The following SGK1 variants were observed in gnomAD, a reference collection of about 807,000 sequenced individuals.
The protein encoded by SGK1 is serine/threonine-protein kinase Sgk1.
SGK1 carries 26 observed loss-of-function variants against 64.2 expected under a neutral mutation model. The observed-to-expected ratio is 0.40, with a 90% CI of 0.30 to 0.56. The LOEUF (loss-of-function observed/expected upper bound fraction) is 0.56. SGK1 is among the 20% of genes least tolerant of loss of function. The pLI is 0.38. For synonymous variants in SGK1, 265 were observed against 239.7 expected (o/e 1.11, Z -0.98); for missense variants, 519 against 645.6 (o/e 0.80, Z 2.12).
At chr6:134,236,456 G>A (rs551029995) in intron 2 of SGK1, among the ~76,000 whole-genome samples, 1 of 152,050 alleles carries the variant, frequency 6.6e-6, no homozygotes, top group African/African-American at 2.4e-5. Flanking sequence ...GCGAAACTCC[G>A]TCTCTACAAA....
In SGK1 at chr6:134,173,053, G is replaced by A. The variant is rs773352774; in HGVS notation, c.804C>T (p.Tyr268=). Residue 268 remains tyrosine, a synonymous_variant, in exon 8 of 14, where the codon TAC becomes TAT. Coordinates refer to ENST00000367858, the MANE Select transcript of SGK1 (RefSeq NM_001143676.3). ...HFSFQTADKL[Y]FVLDYINGGE... is the part of the protein sequence containing the mutation. ...CACCATTAATGTAGTCTAGGACAAA[G>A]TACAATTTGTCAGCAGTCTGGAAAG... 6.2e-7 allele frequency: 1 copy of A among 1,614,000 alleles called. No individual in the cohort carries two copies. Among genetic ancestry groups the A allele is most frequent in the Non-Finnish European group, 8.5e-7 (1 of 1,179,860 alleles).
rs188000226 is a variant in SGK1 at position 134,204,256 on chromosome 6, A to T, written c.361+3100T>A. Reference sequence around the variant, plus strand: ...AATAAATAAATAAATAAATAAATAAATAAATAAATAATTACTCTAGACATA... The same window carrying T: ...AATAAATAAATAAATAAATAAATAATTAAATAAATAATTACTCTAGACATA... On this transcript the variant is annotated intron_variant, in intron 3 of 13. Transcript: ENST00000367858. Among the ~76,000 whole-genome samples, 270 of 149,778 alleles carry T rather than the reference A, an allele frequency of 1.8e-3. 2 individuals are homozygous for T. Among genetic ancestry groups the T allele is most frequent in the African/African-American group, 6.4e-3 (261 of 40,978 alleles).
intron 4 of SGK1, 58 bp downstream of exon 4, chr6:134,174,453 T>C: frequency 7.6e-7 from 1 of 1,316,144 alleles, no homozygotes; most frequent in South Asian, 1.2e-5. Context: ...GATGAGAATG[T>C]TTACCGCTGG....
At position 134,317,326 on chromosome 6, in the gene SGK1, G is replaced by A. The variant is rs1777701083; in HGVS notation, c.69+66C>T. 3 of 1,031,026 alleles carry A rather than the reference G, an allele frequency of 2.9e-6. No individual in the cohort carries two copies. The Admixed American group carries it at 5.1e-5, about 17-fold the overall frequency. 63.9% of individuals were successfully genotyped at this position (1,031,026 alleles called of 1,614,324 possible). A position where few individuals can be genotyped will look rare whatever the true frequency, so the allele number is the denominator to read the frequency against. ...CAACAAAACCTCAGGCTTACTTCAGGCAAACATTCAAAAGCATTTAAGAGA... is the reference window on the plus strand; with the variant it reads ...CAACAAAACCTCAGGCTTACTTCAGACAAACATTCAAAAGCATTTAAGAGA... On this transcript the variant is annotated intron_variant, in intron 1 of 13. Coordinates refer to ENST00000367858, the MANE Select transcript of SGK1 (RefSeq NM_001143676.3).
At chr6:134,174,762 T>G in intron 3 of SGK1, 176 bp from the exon 4 acceptor site, 1 of 1,614,218 alleles carries the variant, frequency 6.2e-7, no homozygotes, top group Non-Finnish European at 8.5e-7. Context: ...CCCCTCATCC[T>G]GGAGTAAGTG....
intron 1 of SGK1, among the ~76,000 whole-genome samples, chr6:134,310,191 C>A (rs540914039): frequency 6.6e-6 from 1 of 152,088 alleles, no homozygotes; most frequent in Non-Finnish European, 1.5e-5. Context: ...ATATGGCACC[C>A]GCATTTCAGC....
At chr6:134,206,337 T>TTTTATATATA (rs1562250098) in intron 3 of SGK1, among the ~76,000 whole-genome samples, 1 of 111,458 alleles carries the variant, frequency 9.0e-6, no homozygotes, top group African/African-American at 3.7e-5. Flanking sequence ...CTGTACCTGA[T>TTTTATATATA]GATATATATA....
chr6:134,178,889 A>G (rs555423199), intron 3 of SGK1, among the ~76,000 whole-genome samples: 2 of 152,306 alleles, frequency 1.3e-5, no homozygotes, highest in Non-Finnish European at 2.9e-5. Context: ...TCAAGTAGGA[A>G]TGACTGACCA....
At chr6:134,175,640 G>GC (rs1278331564) in intron 3 of SGK1, 1 of 1,530,086 alleles carries the variant, frequency 6.5e-7, no homozygotes, top group Non-Finnish European at 8.8e-7. Context: ...GCTCTGGCCA[G>GC]CGCGCCCTGC....
chr6:134,259,643 C>T lies in SGK1; in HGVS notation c.285+2290G>A, dbSNP rs145982900. Reference sequence around the variant, plus strand: ...TGGGAGAGCTGTGTCCATTCATTTACATATTATCTATGGCTGCTTTCCCTA... The same window carrying T: ...TGGGAGAGCTGTGTCCATTCATTTATATATTATCTATGGCTGCTTTCCCTA... On this transcript the variant is annotated intron_variant, in intron 2 of 13. Transcript: ENST00000367858. The T allele has an allele frequency of 1.6e-4, 24 of 152,232 alleles. 1 individual carries two copies. The highest frequency in any genetic ancestry group is 5.1e-4 in the African/African-American group (21 of 41,540). The allele number at this position is 152,232 out of a possible 1,614,324, so 9.4% of individuals were successfully genotyped here. A position where few individuals can be genotyped will look rare whatever the true frequency, so the allele number is the denominator to read the frequency against.
intron 2 of SGK1, among the ~76,000 whole-genome samples, chr6:134,219,895 T>C (rs1268744605): frequency 7.6e-6 from 1 of 132,222 alleles, no homozygotes; most frequent in Non-Finnish European, 1.6e-5. Context: ...CCGTCTCTAC[T>C]AAAAATACAA....
At chr6:134,254,114 C>CTTTT (rs57975960) in intron 2 of SGK1, among the ~76,000 whole-genome samples, 261 of 126,782 alleles carry the variant, frequency 2.1e-3, no homozygotes, top group African/African-American at 7.3e-3. Context: ...CTAGTCTCTC[C>CTTTT]TTTTTTTTTT....
intron 3 of SGK1, among the ~76,000 whole-genome samples, chr6:134,175,092 G>T (rs930038584): frequency 1.3e-5 from 2 of 152,114 alleles, no homozygotes; most frequent in Non-Finnish European, 2.9e-5. Context: ...GCGCAGGGCC[G>T]TTATCAGTCT....
chr6:134,248,212 G>A (rs1776554070), intron 2 of SGK1, among the ~76,000 whole-genome samples: 1 of 152,054 alleles, frequency 6.6e-6, no homozygotes. Flanking sequence ...AAAGCCCAAG[G>A]AAGGTCAGCT....
chr6:134,218,433 TTTTC>T (rs1312152328), intron 2 of SGK1, among the ~76,000 whole-genome samples: 2 of 90,094 alleles, frequency 2.2e-5, no homozygotes, highest in African/African-American at 3.2e-5. Context: ...TTCTTTCTTT[TTTTC>T]TTTTTTTTTT....
At chr6:134,175,119 C>T (rs1340132645) in intron 3 of SGK1, among the ~76,000 whole-genome samples, 1 of 152,134 alleles carries the variant, frequency 6.6e-6, no homozygotes, top group South Asian at 2.1e-4. Context: ...GCTCCTGGGG[C>T]AGGAGAGAGA....
At chr6:134,306,674 C>T (rs1259484496) in intron 1 of SGK1, among the ~76,000 whole-genome samples, 1 of 151,956 alleles carries the variant, frequency 6.6e-6, no homozygotes, top group Non-Finnish European at 1.5e-5. Flanking sequence ...CAGGCACTCA[C>T]CACCACACCT....
chr6:134,170,978 G>A (rs770276025), intron 12 of SGK1, 45 bp downstream of exon 12: 2 of 1,611,182 alleles, frequency 1.2e-6, no homozygotes, highest in African/African-American at 1.3e-5. Flanking sequence ...GGGAGGTCTA[G>A]TGCACGTCCC....
intron 2 of SGK1, chr6:134,260,059 A>G (rs563234547): frequency 6.6e-6 from 1 of 152,330 alleles, no homozygotes; most frequent in East Asian, 1.9e-4. Context: ...TAACCGTAGA[A>G]AGTAGACAAG....
Sources: allele counts gnomAD v4.1 joint callset (sites outside exome capture counted in the v4.1 genomes callset), GRCh38; gene constraint gnomAD v4.1.1; transcripts MANE v1.5; gene names NCBI Gene and HGNC (gene_info 2026-07-23, HGNC 2026-07-21).